ZFYVE9: variants seen among roughly 807,000 people sequenced by gnomAD.
ZFYVE9 encodes zinc finger FYVE-type containing 9, also known as zinc finger FYVE domain-containing protein 9.
Under a neutral mutation model 126.7 loss-of-function variants are expected in ZFYVE9, and 43 were observed. The ratio of observed to expected loss-of-function variants is 0.34; its 90% confidence interval spans 0.27 to 0.44. The LOEUF is 0.44. ZFYVE9 is among the 20% of genes least tolerant of loss of function. ZFYVE9 has a pLI of 1.00. For missense variants in ZFYVE9, 1,476 were observed against 1,697.0 expected (o/e 0.87, Z 2.29); for synonymous variants, 521 against 597.4 (o/e 0.87, Z 1.87).
At position 52,346,343 on chromosome 1, in the gene ZFYVE9, G is replaced by T; in HGVS notation, c.*122G>T. 1 of 995,978 alleles carries T rather than the reference G, an allele frequency of 1.0e-6. No homozygotes were observed. Among genetic ancestry groups the T allele is most frequent in the Non-Finnish European group, 1.4e-6 (1 of 717,958 alleles). The allele number at this position is 995,978 out of a possible 1,614,324, so 61.7% of individuals were successfully genotyped here. A position where few individuals can be genotyped will look rare whatever the true frequency, so the allele number is the denominator to read the frequency against. On this transcript the variant is annotated 3_prime_UTR_variant, in exon 19 of 19. Coordinates refer to ENST00000287727, the MANE Select transcript of ZFYVE9 (RefSeq NM_004799.4). ...AACACTATTAATGGGGTGGGGAATAGGGTGGGAGTGGGGGTTTGGGAGACG... is the reference window on the plus strand; with the variant it reads ...AACACTATTAATGGGGTGGGGAATATGGTGGGAGTGGGGGTTTGGGAGACG...
At chr1:52,251,582 A>C (rs1484813447) in intron 4 of ZFYVE9, among the ~76,000 whole-genome samples, 1 of 151,284 alleles carries the variant, frequency 6.6e-6, no homozygotes, top group African/African-American at 2.5e-5. Flanking sequence ...TTCTATCAAT[A>C]TGTTCAATTC....
intron 1 of ZFYVE9, among the ~76,000 whole-genome samples, chr1:52,166,423 C>A (rs559296691): frequency 1.4e-4 from 21 of 152,298 alleles, no homozygotes; most frequent in African/African-American, 5.1e-4. Context: ...TGCACTTTAC[C>A]TCATAAGATT....
chr1:52,230,163 C>G (rs1007887332), intron 2 of ZFYVE9, among the ~76,000 whole-genome samples: 1 of 152,010 alleles, frequency 6.6e-6, no homozygotes, highest in Admixed American at 6.6e-5. Context: ...CCTCCGCGCC[C>G]TGCCTAGGCT....
intron 13 of ZFYVE9, among the ~76,000 whole-genome samples, chr1:52,314,103 A>T (rs1218369616): frequency 6.6e-6 from 1 of 152,206 alleles, no homozygotes; most frequent in Non-Finnish European, 1.5e-5. Context: ...AAACTTACAG[A>T]TCCAAGAAGC....
chr1:52,158,261 G>C (rs1572061981), intron 1 of ZFYVE9, among the ~76,000 whole-genome samples: 1 of 152,176 alleles, frequency 6.6e-6, no homozygotes, highest in Admixed American at 6.5e-5. Flanking sequence ...TGGTACCCTG[G>C]CTAATTCTTG....
At chr1:52,322,377 CTTTTTTT>C (rs113375062) in intron 13 of ZFYVE9, among the ~76,000 whole-genome samples, 13 of 119,498 alleles carry the variant, frequency 1.1e-4, no homozygotes, top group African/African-American at 3.9e-4. Context: ...GTGGTCTTTT[CTTTTTTT>C]TTTTTTTTTT....
Position 52,239,308 on chromosome 1 carries a change from G to C in ZFYVE9, c.1891G>C (p.Val631Leu), listed in dbSNP as rs780258834. 1.2e-6 allele frequency: 2 copies of C among 1,614,064 alleles called. No individual in the cohort carries two copies. The highest frequency in any genetic ancestry group is 2.7e-5 in the African/African-American group (2 of 74,930). Residue 631 changes from valine to leucine, a missense_variant, in exon 4 of 19, where the codon GTA (valine) becomes CTA (leucine). Val to Leu is a conservative substitution (Grantham distance 32). Around this residue, in one of 2 missense-constraint regions of ZFYVE9, gnomAD observed 807 missense variants for 794.6 expected, o/e 1.02. Coordinates refer to ENST00000287727, the MANE Select transcript of ZFYVE9 (RefSeq NM_004799.4). ...ATTAGGGGAAAACTCAGCAACCAATGTATGCAGTCCATCTTTGGGAAACAT... is the reference window on the plus strand; with the variant it reads ...ATTAGGGGAAAACTCAGCAACCAATCTATGCAGTCCATCTTTGGGAAACAT... ...AKLGENSATN[V>L]CSPSLGNISN...
chr1:52,211,023 G>C (rs1645023961), intron 1 of ZFYVE9, among the ~76,000 whole-genome samples: 1 of 152,108 alleles, frequency 6.6e-6, no homozygotes, highest in South Asian at 2.1e-4. Context: ...TCATCTTGAG[G>C]CTTGCTCATT....
rs1173654016 is a variant in ZFYVE9, at chr1:52,238,502, T to C, written c.1085T>C (p.Leu362Pro). The change falls in exon 4 of 19, where the codon CTT becomes CCT. Residue 362 changes from leucine (L) to proline (P), a missense_variant. Physicochemically the swap from Leu to Pro is moderately conservative, Grantham distance 98. Coordinates refer to ENST00000287727, the MANE Select transcript of ZFYVE9 (RefSeq NM_004799.4). The stretch of plus-strand genomic sequence containing the variant: ...GACTGTGAACGGTGTTCAGATTGCC[T>C]TGTGCCTAATGAAGTTAGGGCTGAT... Reference protein sequence around the residue: ...NNDCERCSDCLVPNEVRADEN... With the variant: ...NNDCERCSDCPVPNEVRADEN... 6.2e-7 allele frequency: 1 copy of C among 1,613,972 alleles called. No homozygotes were observed. Among genetic ancestry groups the C allele is most frequent in the African/African-American group, 1.3e-5 (1 of 74,912 alleles).
At chr1:52,263,998 T>C (rs1230801777) in intron 5 of ZFYVE9, 126 bp downstream of exon 5, 2 of 461,028 alleles carry the variant, frequency 4.3e-6, no homozygotes, top group Non-Finnish European at 7.6e-6. Context: ...TAACTTTAAC[T>C]GAAAATATTT....
At chr1:52,250,305 G>A (rs1645431718) in intron 4 of ZFYVE9, among the ~76,000 whole-genome samples, 2 of 151,982 alleles carry the variant, frequency 1.3e-5, no homozygotes, top group Admixed American at 1.3e-4. Context: ...TTTGTCTTTT[G>A]TAGTTTTCAC....
intron 1 of ZFYVE9, among the ~76,000 whole-genome samples, chr1:52,181,739 C>T (rs922981233): frequency 2.0e-5 from 3 of 152,020 alleles, no homozygotes; most frequent in East Asian, 1.9e-4. Flanking sequence ...CCCGCTGCCC[C>T]GTCTGGGATG....
chr1:52,172,834 T>G (rs982245730), intron 1 of ZFYVE9, among the ~76,000 whole-genome samples: 25 of 151,872 alleles, frequency 1.6e-4, no homozygotes, highest in African/African-American at 5.8e-4. Flanking sequence ...ATGCTTGTGA[T>G]TTTTGTACAT....
intron 7 of ZFYVE9, among the ~76,000 whole-genome samples, chr1:52,273,757 A>C (rs1441428346): frequency 1.3e-5 from 2 of 150,538 alleles, no homozygotes; most frequent in African/African-American, 4.9e-5. Context: ...GAACCTGGGA[A>C]GCAGAGGTTG....
At chr1:52,290,740 A>G (rs2147826841) in intron 10 of ZFYVE9, among the ~76,000 whole-genome samples, 1 of 152,184 alleles carries the variant, frequency 6.6e-6, no homozygotes, top group East Asian at 1.9e-4. Flanking sequence ...AAAATCATTG[A>G]AAGTCCCCCC....
intron 5 of ZFYVE9, among the ~76,000 whole-genome samples, chr1:52,264,232 T>C (rs923425471): frequency 1.3e-5 from 2 of 152,214 alleles, no homozygotes; most frequent in Admixed American, 6.5e-5. Flanking sequence ...GCTGAGATTT[T>C]CCTTTTAAGA....
intron 15 of ZFYVE9, among the ~76,000 whole-genome samples, chr1:52,337,076 T>C (rs1409030215): frequency 6.6e-6 from 1 of 152,188 alleles, no homozygotes; most frequent in Non-Finnish European, 1.5e-5. Flanking sequence ...ATTTCACTTG[T>C]GTGTTTCAGT....
At position 52,267,297 on chromosome 1, in the gene ZFYVE9, T is replaced by C. The variant is rs184695059; in HGVS notation, c.2455+466T>C. On this transcript the variant is annotated intron_variant, in intron 6 of 18. Coordinates refer to ENST00000287727, the MANE Select transcript of ZFYVE9 (RefSeq NM_004799.4). ...CATTTTTAATCTGTCCATATAAAAA[T>C]ATGAACATTTTTGTGTTAGGGACAT... Among the ~76,000 whole-genome samples, 254 of 152,340 alleles carry C rather than the reference T, an allele frequency of 1.7e-3. 7 individuals are homozygous for C. The highest frequency in any genetic ancestry group is 1.7e-3 in the East Asian group (9 of 5,186).
intron 1 of ZFYVE9, among the ~76,000 whole-genome samples, chr1:52,195,151 A>G (rs1157843158): frequency 6.6e-6 from 1 of 152,210 alleles, no homozygotes; most frequent in Non-Finnish European, 1.5e-5. Flanking sequence ...TTATTAAACT[A>G]TATTTTTTCT....
Sources: allele counts gnomAD v4.1 joint callset (sites outside exome capture counted in the v4.1 genomes callset), GRCh38; gene constraint gnomAD v4.1.1; regional missense constraint gnomAD v4.1.1; transcripts MANE v1.5; gene names NCBI Gene and HGNC (gene_info 2026-07-23, HGNC 2026-07-21).